ACSM3: variants seen among roughly 807,000 people sequenced by gnomAD.
ACSM3 encodes acyl-CoA synthetase medium chain family member 3.
ACSM3 carries 61 observed loss-of-function variants against 74.1 expected under a neutral mutation model. The ratio of observed to expected loss-of-function variants is 0.82; its 90% CI spans 0.67 to 1.02. The LOEUF is 1.02. Ranked by LOEUF, ACSM3 falls within the 50% of genes least tolerant of loss-of-function variation. The pLI is 0.00. For synonymous variants in ACSM3, 213 were observed against 241.5 expected (o/e 0.88, Z 1.09); for missense variants, 660 against 697.0 (o/e 0.95, Z 0.60).
intron 12 of ACSM3, 152 bp from the exon 13 acceptor site, chr16:20,796,218 C>G: frequency 1.5e-6 from 2 of 1,324,486 alleles, no homozygotes; most frequent in Non-Finnish European, 2.0e-6. Flanking sequence ...CAGGAAGTGG[C>G]TGGCTTAAGA....
chr16:20,687,134 G>A (rs1480563414), intron 1 of ACSM3, among the ~76,000 whole-genome samples: 5 of 152,008 alleles, frequency 3.3e-5, no homozygotes, highest in East Asian at 1.9e-4. Context: ...CAAGGGTTGC[G>A]GAGGGACTGG....
At chr16:20,728,242 G>T in intron 1 of ACSM3, 1 of 415,742 alleles carries the variant, frequency 2.4e-6, no homozygotes, top group South Asian at 3.1e-5. Flanking sequence ...ATGATGTCCA[G>T]GTAGGTTGAG....
chr16:20,723,615 TG>T (rs2079793991), intron 1 of ACSM3, among the ~76,000 whole-genome samples: 1 of 152,236 alleles, frequency 6.6e-6, no homozygotes, highest in African/African-American at 2.4e-5. Flanking sequence ...GGTTTTGATT[TG>T]CAGTTCTCTG....
At chr16:20,776,472 T>G (rs1467727965) in intron 3 of ACSM3, among the ~76,000 whole-genome samples, 1 of 152,178 alleles carries the variant, frequency 6.6e-6, no homozygotes, top group Non-Finnish European at 1.5e-5. Flanking sequence ...AAACCTATTG[T>G]GAAGTGAATG....
chr16:20,734,274 G>A (rs937927768), intron 1 of ACSM3: 1 of 152,586 alleles, frequency 6.6e-6, no homozygotes, highest in African/African-American at 2.4e-5. Context: ...TATCAAAATA[G>A]AATCTTTGTC....
chr16:20,751,937 T>C (rs1258883484), intron 2 of ACSM3, among the ~76,000 whole-genome samples: 3 of 152,180 alleles, frequency 2.0e-5, no homozygotes, highest in African/African-American at 7.2e-5. Context: ...CTGTGACTTA[T>C]TTCAAGGTTG....
At chr16:20,721,763 G>C (rs1007310586) in intron 1 of ACSM3, 2 of 152,196 alleles carry the variant, frequency 1.3e-5, no homozygotes, top group Non-Finnish European at 2.9e-5. Context: ...TGATACGATT[G>C]TACAGGACTG....
intron 3 of ACSM3, among the ~76,000 whole-genome samples, chr16:20,777,034 C>A (rs909345294): frequency 1.3e-5 from 2 of 152,044 alleles, no homozygotes; most frequent in Non-Finnish European, 2.9e-5. Flanking sequence ...TTGGTGGGGA[C>A]TGAATAAGTT....
chr16:20,745,565 T>C (rs1216742409), intron 1 of ACSM3, among the ~76,000 whole-genome samples: 1 of 148,542 alleles, frequency 6.7e-6, no homozygotes, highest in African/African-American at 2.5e-5. Context: ...CTGGGCAAAA[T>C]AGACTCTGTC....
intron 1 of ACSM3, chr16:20,741,481 G>GGGGGGGGGGGCCCCCCCC: frequency 3.1e-6 from 4 of 1,308,410 alleles, no homozygotes; most frequent in Non-Finnish European, 4.0e-6. Context: ...CTGGCAGCCG[G>GGGGGGGGGGGCCCCCCCC]CCCGCCCGCC....
intron 1 of ACSM3, chr16:20,681,862 G>A (rs2079452986): frequency 6.3e-6 from 1 of 158,936 alleles, no homozygotes; most frequent in South Asian, 1.8e-4. Context: ...TGTAGCTAGT[G>A]AGCCTTATCT....
intron 2 of ACSM3, among the ~76,000 whole-genome samples, chr16:20,773,937 C>T (rs796293136): frequency 9.2e-5 from 14 of 152,200 alleles, no homozygotes; most frequent in African/African-American, 3.1e-4. Context: ...CTAGATGATC[C>T]GTCTAATGCT....
chr16:20,726,107 C>T (rs900015060), intron 1 of ACSM3, among the ~76,000 whole-genome samples: 2 of 152,108 alleles, frequency 1.3e-5, no homozygotes, highest in Admixed American at 6.5e-5. Flanking sequence ...CTATAGTCCC[C>T]GAACTCCCCC....
At chr16:20,781,243 T>C in intron 6 of ACSM3, 113 bp downstream of exon 6, 1 of 1,316,966 alleles carries the variant, frequency 7.6e-7, no homozygotes. Flanking sequence ...TGATTTAAGA[T>C]ATGTCACATC....
At position 20,770,179 on chromosome 16, in the gene ACSM3, G is replaced by A. The variant is rs368788399; in HGVS notation, c.145G>A (p.Asp49Asn). 6.8e-6 allele frequency: 11 copies of A among 1,614,056 alleles called. No homozygotes were observed. In the African/African-American group the frequency reaches 1.5e-4, roughly 22 times the overall value. ...NFSNYESMKQ[D>N]FKLGIPEYFN... Reference sequence around the variant, plus strand: ...CTCCAACTATGAATCCATGAAACAGGACTTCAAACTGGGGATTCCAGAGTA... The same window carrying A: ...CTCCAACTATGAATCCATGAAACAGAACTTCAAACTGGGGATTCCAGAGTA... Residue 49 changes from aspartate to asparagine, a missense_variant, in exon 2 of 14, where the codon GAC (aspartate) becomes AAC (asparagine). Coordinates refer to ENST00000289416, the MANE Select transcript of ACSM3 (RefSeq NM_005622.4).
chr16:20,796,162 G>A, intron 12 of ACSM3: 2 of 730,004 alleles, frequency 2.7e-6, no homozygotes, highest in South Asian at 4.6e-5. Flanking sequence ...GGATGAGGCT[G>A]GGTTGTTACA....
chr16:20,780,126 G>A (rs949932303), intron 4 of ACSM3: 2 of 161,366 alleles, frequency 1.2e-5, no homozygotes, highest in Non-Finnish European at 2.7e-5. Flanking sequence ...AGGCCGTATA[G>A]TCAGTCTCAT....
intron 1 of ACSM3, among the ~76,000 whole-genome samples, chr16:20,746,292 C>G (rs376650457): frequency 6.6e-6 from 1 of 152,156 alleles, no homozygotes; most frequent in South Asian, 2.1e-4. Flanking sequence ...CTGTTTTTTT[C>G]TTTTTGATGT....
At chr16:20,739,465 C>T (rs1255888841) in intron 1 of ACSM3, among the ~76,000 whole-genome samples, 2 of 152,050 alleles carry the variant, frequency 1.3e-5, no homozygotes, top group Non-Finnish European at 2.9e-5. Context: ...GCTACCATGC[C>T]CAGCTGACTC....
Sources: allele counts gnomAD v4.1 joint callset (sites outside exome capture counted in the v4.1 genomes callset), GRCh38; gene constraint gnomAD v4.1.1; transcripts MANE v1.5; gene names NCBI Gene and HGNC (gene_info 2026-07-23, HGNC 2026-07-21).